Variants in IFT140 observed in about 807,000 individuals in gnomAD.
IFT140 encodes intraflagellar transport protein 140 homolog.
Under a neutral mutation model 164.6 loss-of-function variants are expected in IFT140, and 133 were observed. The observed-to-expected ratio is 0.81, with a 90% CI of 0.70 to 0.93. IFT140 has a LOEUF of 0.93. Among genes scored for constraint, IFT140 ranks in the 40% least tolerant of loss-of-function variants. IFT140 has a pLI of 0.00. For synonymous variants in IFT140, 860 were observed against 817.3 expected (o/e 1.05, Z -0.89); for missense variants, 2,045 against 1,972.3 (o/e 1.04, Z -0.70).
chr16:1,524,319 T>C, intron 24 of IFT140: 1 of 639,656 alleles, frequency 1.6e-6, no homozygotes, highest in Non-Finnish European at 2.6e-6. Context: ...TCAGGAGCCC[T>C]GGAGCCTGGG....
At chr16:1,538,552 C>T (rs1195837846) in intron 19 of IFT140, among the ~76,000 whole-genome samples, 1 of 152,176 alleles carries the variant, frequency 6.6e-6, no homozygotes, top group African/African-American at 2.4e-5. Context: ...GGGCAGAGCG[C>T]AGAGCCCTGG....
chr16:1,567,257 G>T (rs948389849), intron 15 of IFT140, among the ~76,000 whole-genome samples: 1 of 152,196 alleles, frequency 6.6e-6, no homozygotes, highest in African/African-American at 2.4e-5. Context: ...CTTCTAGAAA[G>T]AACCCTCTAG....
rs570010952 is a variant in IFT140 at position 1,553,880 on chromosome 16, G to A, written c.2399+4055C>T. ...ATCCTAGTTGGTAGACTCTAGTCAC[G>A]AAACCCTGATTTTCCTGTTGTAAGA... On this transcript the variant is annotated intron_variant, in intron 19 of 30. Transcript: ENST00000426508. The surrounding 1 kb of genome is among the most constrained non-coding windows in gnomAD (Gnocchi z 4.4). 6 of 1,258,916 alleles carry A rather than the reference G, an allele frequency of 4.8e-6. No homozygotes were observed. Among genetic ancestry groups the A allele is most frequent in the Middle Eastern group, 3.4e-4 (1 of 2,900 alleles). 78.0% of individuals were successfully genotyped at this position (1,258,916 alleles called of 1,614,324 possible).
chr16:1,545,405 G>T (rs2032088168), intron 19 of IFT140, among the ~76,000 whole-genome samples: 1 of 152,150 alleles, frequency 6.6e-6, no homozygotes, highest in Non-Finnish European at 1.5e-5. Flanking sequence ...GGTCTGTTTT[G>T]CCCAAAAAGG....
intron 13 of IFT140, chr16:1,578,465 A>G (rs1190269640): frequency 1.3e-5 from 2 of 151,982 alleles, no homozygotes; most frequent in African/African-American, 2.4e-5. Context: ...GCCCCTCCCA[A>G]AGATATGTCC....
intron 13 of IFT140, chr16:1,577,003 G>T (rs1260415863): frequency 6.6e-6 from 1 of 152,126 alleles, no homozygotes; most frequent in Non-Finnish European, 1.5e-5. Context: ...CCTCTCTCCA[G>T]CAAAATGCAC....
Position 1,553,915 on chromosome 16 carries a change from G to A in IFT140, c.2399+4020C>T. 2.7e-5 allele frequency: 34 copies of A among 1,281,966 alleles called. No homozygotes were observed. In the South Asian group the frequency reaches 4.1e-4, roughly 15 times the overall value. 79.4% of individuals were successfully genotyped at this position (1,281,966 alleles called of 1,614,324 possible). ...TTTTCCTGTTGTAAGAACTAAAAAG[G>A]TCTTTGGAGCTCCTCAAAGATAAAA... is the stretch of plus-strand genomic sequence containing the variant. On this transcript the variant is annotated intron_variant, in intron 19 of 30. Transcript: ENST00000426508. The surrounding 1 kb of genome is among the most constrained non-coding windows in gnomAD (Gnocchi z 4.4).
intron 3 of IFT140, among the ~76,000 whole-genome samples, chr16:1,605,282 C>T (rs1427655604): frequency 2.0e-5 from 3 of 152,100 alleles, no homozygotes; most frequent in South Asian, 2.1e-4. Context: ...ACAAGGACCC[C>T]AAAACACTCA....
chr16:1,599,880 C>T (rs1278835256), intron 4 of IFT140, among the ~76,000 whole-genome samples: 2 of 103,422 alleles, frequency 1.9e-5, no homozygotes, highest in Non-Finnish European at 3.6e-5. Flanking sequence ...AGGTGAGGGG[C>T]GCCTCTGCCC....
At chr16:1,541,386 C>T (rs2031618998) in intron 19 of IFT140, 1 of 985,288 alleles carries the variant, frequency 1.0e-6, no homozygotes, top group Non-Finnish European at 1.2e-6. Context: ...GGTCCCAAGT[C>T]CCTCAGCTGC....
intron 30 of IFT140, among the ~76,000 whole-genome samples, chr16:1,517,142 G>A (rs951394013): frequency 6.6e-6 from 1 of 152,114 alleles, no homozygotes; most frequent in African/African-American, 2.4e-5. Context: ...AGGTGGAGGC[G>A]GGTGGATCAC....
intron 19 of IFT140, among the ~76,000 whole-genome samples, chr16:1,535,629 C>T (rs377336574): frequency 1.3e-5 from 2 of 152,340 alleles, no homozygotes; most frequent in East Asian, 3.9e-4. Flanking sequence ...ACCTGCCGCG[C>T]TCAGAACCCT....
chr16:1,603,922 A>C (rs144685631), intron 3 of IFT140, among the ~76,000 whole-genome samples: 2 of 152,334 alleles, frequency 1.3e-5, no homozygotes, highest in Non-Finnish European at 2.9e-5. Flanking sequence ...TGTCCAATAG[A>C]TCACTATTTT....
chr16:1,594,586 G>A lies in IFT140; in HGVS notation c.370-1998C>T, dbSNP rs145071546. The stretch of plus-strand genomic sequence containing the variant: ...CTCCGAGGAGCCACGGTTGTTTCCT[G>A]GAGAATGGGGTAAGAAGTGAAGTCC... On this transcript the variant is annotated intron_variant, in intron 4 of 30. Transcript: ENST00000426508. Among the ~76,000 whole-genome samples, 446 of 152,334 alleles carry A rather than the reference G, an allele frequency of 2.9e-3. 2 individuals carry two copies. The highest frequency in any genetic ancestry group is 0.01 in the African/African-American group (423 of 41,574).
chr16:1,595,877 A>C (rs1386623312), intron 4 of IFT140, among the ~76,000 whole-genome samples: 1 of 152,122 alleles, frequency 6.6e-6, no homozygotes, highest in African/African-American at 2.4e-5. Context: ...ACATGGCGAA[A>C]TCCTGTCTCT....
In IFT140 at chr16:1,526,622, C is replaced by G; in HGVS notation, c.2574G>C (p.Met858Ile). The G allele has an allele frequency of 6.4e-7, 1 of 1,550,962 alleles. No homozygotes were observed. Among genetic ancestry groups the G allele is most frequent in the Non-Finnish European group, 8.6e-7 (1 of 1,157,386 alleles). Reference protein sequence around the residue: ...RVAVLATQLGMLEDAEQLYRK... With the variant: ...RVAVLATQLGILEDAEQLYRK... ...CCCCATGGCGGGCGCCCCTCACCAGCATGCCCAGCTGCGTGGCCAGCACGG... is the reference window on the plus strand; with the variant it reads ...CCCCATGGCGGGCGCCCCTCACCAGGATGCCCAGCTGCGTGGCCAGCACGG... The change falls in exon 20 of 31, where the codon ATG (methionine) becomes ATC (isoleucine). Residue 858 changes from methionine (M) to isoleucine (I), a missense_variant. By Grantham distance (10) the Met-to-Ile change is conservative. Transcript: ENST00000426508.
chr16:1,601,921 A>G (rs1449283171), intron 4 of IFT140, among the ~76,000 whole-genome samples: 1 of 152,222 alleles, frequency 6.6e-6, no homozygotes, highest in East Asian at 1.9e-4. Context: ...CCATGTCGCT[A>G]TGCTGTGGGT....
chr16:1,562,662 C>T (rs1057332279), intron 17 of IFT140, among the ~76,000 whole-genome samples: 1 of 152,148 alleles, frequency 6.6e-6, no homozygotes, highest in Non-Finnish European at 1.5e-5. Flanking sequence ...GTCCCAGCTA[C>T]TTGGTAGTCT....
Position 1,511,107 on chromosome 16 carries a change from G to A in IFT140, c.4226C>T (p.Ala1409Val). Reference protein sequence around the residue: ...LEEMRRRLPLANMSYYVSPQA... With the variant: ...LEEMRRRLPLVNMSYYVSPQA... ...CGGGCTCACGTAGTAGGACATGTTG[G>A]CCAAGGGAAGCCGCCGCCGCATCTC... Residue 1409 changes from alanine to valine, a missense_variant, in exon 31 of 31, where the codon GCC (alanine) becomes GTC (valine). Ala to Val is a moderately conservative substitution (Grantham distance 64). Transcript: ENST00000426508. The A allele has an allele frequency of 6.2e-7, 1 of 1,609,852 alleles. No individual in the cohort carries two copies. Among genetic ancestry groups the A allele is most frequent in the Non-Finnish European group, 8.5e-7 (1 of 1,178,952 alleles).
Sources: allele counts gnomAD v4.1 joint callset (sites outside exome capture counted in the v4.1 genomes callset), GRCh38; gene constraint gnomAD v4.1.1; non-coding constraint Gnocchi (gnomAD v3.1); transcripts MANE v1.5; gene names NCBI Gene and HGNC (gene_info 2026-07-23, HGNC 2026-07-21).